Variants in NLRP13 observed in about 807,000 individuals in gnomAD.
NLRP13 encodes NLR family pyrin domain containing 13, also known as NACHT, LRR and PYD domains-containing protein 13.
NLRP13 carries 82 observed loss-of-function variants against 94.4 expected under a neutral mutation model. That is an observed-to-expected ratio of 0.87 (90% CI 0.73 to 1.04). The LOEUF (loss-of-function observed/expected upper bound fraction) is 1.04, where lower values mean the gene tolerates loss of function less well. NLRP13 is among the 50% of genes least tolerant of loss of function. NLRP13 has a pLI of 0.00. For synonymous variants in NLRP13, 553 were observed against 464.7 expected, an observed-to-expected ratio of 1.19 and a Z score of -2.45; for missense variants, 1,426 against 1,230.8, an observed-to-expected ratio of 1.16 and a Z score of -2.37.
chr19:55,898,094 T>C (rs377340577), intron 10 of NLRP13, among the ~76,000 whole-genome samples: 1 of 152,110 alleles, frequency 6.6e-6, no homozygotes, highest in Non-Finnish European at 1.5e-5. Context: ...CATGGGCAGA[T>C]TGGGAGAGAC....
chr19:55,909,839 C>T (rs979040895), intron 6 of NLRP13, among the ~76,000 whole-genome samples: 6 of 152,124 alleles, frequency 3.9e-5, no homozygotes, highest in Non-Finnish European at 8.8e-5. Context: ...GCTTGGAATG[C>T]TCTTTTTCCC....
At chr19:55,921,742 A>G (rs1986833216) in intron 4 of NLRP13, among the ~76,000 whole-genome samples, 1 of 152,178 alleles carries the variant, frequency 6.6e-6, no homozygotes, top group African/African-American at 2.4e-5. Flanking sequence ...GAGGGAGATG[A>G]GGCACAGACA....
Position 55,924,702 on chromosome 19 carries a change from G to A in NLRP13, c.389-44C>T, listed in dbSNP as rs201831733. On this transcript the variant is annotated intron_variant, in intron 2 of 10. Transcript: ENST00000342929. ...ATGAGATATGAAAATACCCCAGAGT[G>A]AAAATGGGCCAGCAATAATGGAAGC... The A allele has an allele frequency of 4.1e-5, 63 of 1,542,708 alleles. 1 individual carries two copies. The East Asian group carries it at 1.3e-3, about 32-fold the overall frequency.
chr19:55,899,016 C>T (rs1054977139), intron 9 of NLRP13, 79 bp from the exon 10 acceptor site: 30 of 1,445,952 alleles, frequency 2.1e-5, no homozygotes, highest in Middle Eastern at 3.6e-4. Context: ...GCCCATCTCA[C>T]GTCCAAGGAA....
intron 6 of NLRP13, among the ~76,000 whole-genome samples, chr19:55,909,703 C>A (rs1773469480): frequency 6.6e-6 from 1 of 152,216 alleles, no homozygotes; most frequent in South Asian, 2.1e-4. Context: ...TAGCAGCTGG[C>A]TCCAACATGT....
At chr19:55,894,575 A>G (rs566207769), downstream of NLRP13, among the ~76,000 whole-genome samples, 2 of 152,246 alleles carry the variant, frequency 1.3e-5, no homozygotes, top group African/African-American at 4.8e-5. Context: ...ACTCAGGATC[A>G]ATGGTACCGC....
chr19:55,915,957 C>A (rs1436478073), intron 4 of NLRP13, among the ~76,000 whole-genome samples: 2 of 152,210 alleles, frequency 1.3e-5, no homozygotes, highest in African/African-American at 4.8e-5. Flanking sequence ...TCAAACTACA[C>A]AACCCAATAC....
chr19:55,895,549 G>A (rs1465656819), downstream of NLRP13, among the ~76,000 whole-genome samples: 2 of 152,082 alleles, frequency 1.3e-5, no homozygotes. Context: ...TGGGCGTGGT[G>A]GTGGGTGCCT....
rs1986656834 is a variant in NLRP13, at chr19:55,915,634, AC to A, written c.524-2342del. ...AAACAAATAGATAATCACAATTCAA[AC>A]AGAGTATCAGGAGAGAATATTCGAG... is the stretch of plus-strand genomic sequence containing the variant. On this transcript the variant is annotated intron_variant, in intron 4 of 10. Coordinates refer to ENST00000342929, the MANE Select transcript of NLRP13 (RefSeq NM_176810.2). Among the ~76,000 whole-genome samples the A allele has an allele frequency of 2.6e-5, 4 of 152,202 alleles. No individual in the cohort carries two copies. The South Asian group carries it at 8.3e-4, about 32-fold the overall frequency.
At chr19:55,926,414 C>T (rs1047306197) in intron 1 of NLRP13, among the ~76,000 whole-genome samples, 2 of 152,198 alleles carry the variant, frequency 1.3e-5, no homozygotes, top group East Asian at 1.9e-4. Flanking sequence ...TAGCGAAGAG[C>T]GGGCATATGG....
At chr19:55,907,245 A>T (rs894035954) in intron 7 of NLRP13, among the ~76,000 whole-genome samples, 1 of 152,042 alleles carries the variant, frequency 6.6e-6, no homozygotes, top group African/African-American at 2.4e-5. Context: ...GGCATGAGCC[A>T]CCACACCTGG....
In NLRP13 at chr19:55,912,828, G is replaced by A. The variant is rs1986563535; in HGVS notation, c.989C>T (p.Ser330Leu). Residue 330 changes from serine (S) to leucine (L), a missense_variant, in exon 5 of 11, where the codon TCG becomes TTG. Ser to Leu is a moderately radical substitution (Grantham distance 145). Coordinates refer to ENST00000342929, the MANE Select transcript of NLRP13 (RefSeq NM_176810.2). ...ESRSESLDDG[S>L]PCTDWYQELP... ...CTCCTGGTACCAGTCTGTACATGGC[G>A]AGCCATCATCCAAGCTCTCAGAGCG... The A allele has an allele frequency of 5.6e-6, 9 of 1,613,968 alleles. No individual in the cohort carries two copies. Among genetic ancestry groups the A allele is most frequent in the African/African-American group, 1.3e-5 (1 of 74,886 alleles).
intron 9 of NLRP13, among the ~76,000 whole-genome samples, chr19:55,901,269 G>A (rs557577292): frequency 6.6e-6 from 1 of 152,346 alleles, no homozygotes; most frequent in African/African-American, 2.4e-5. Flanking sequence ...AAAGGAGAAT[G>A]AAAGTTTTTA....
At chr19:55,892,153 C>G, downstream of NLRP13, 1 of 1,230,826 alleles carries the variant, frequency 8.1e-7, no homozygotes. Context: ...AGTTTAGAAG[C>G]AGTGAAGAAG....
chr19:55,927,445 G>C lies in NLRP13; in HGVS notation c.320-2410C>G, dbSNP rs559621880. ...TATTCTCCTTTGCCTGTGAAATAAA[G>C]TCTAATTCCTTAAAAAAAAAAAAAA... On this transcript the variant is annotated intron_variant, in intron 1 of 10. Transcript: ENST00000342929. Among the ~76,000 whole-genome samples the C allele has an allele frequency of 5.6e-5, 7 of 124,770 alleles. No individual in the cohort carries two copies. The South Asian group carries it at 1.1e-3, about 20-fold the overall frequency. The allele number at this position is 124,770 out of a possible 152,430, so 81.9% of individuals were successfully genotyped here. A position where few individuals can be genotyped will look rare whatever the true frequency, so the allele number is the denominator to read the frequency against.
Position 55,924,949 on chromosome 19 carries a change from T to G in NLRP13, c.388+18A>C. On this transcript the variant is annotated intron_variant, in intron 2 of 10. Transcript: ENST00000342929. ...ATCAAGCAACCTGTCCATTATCAAC[T>G]TAAAGTAGTGTACACACCTGCTGCT... is the stretch of plus-strand genomic sequence containing the variant. The G allele has an allele frequency of 6.2e-7, 1 of 1,609,564 alleles. No individual in the cohort carries two copies. The highest frequency in any genetic ancestry group is 1.3e-5 in the African/African-American group (1 of 74,982).
intron 8 of NLRP13, among the ~76,000 whole-genome samples, chr19:55,904,617 C>T (rs1332725854): frequency 6.6e-6 from 1 of 152,118 alleles, no homozygotes; most frequent in Non-Finnish European, 1.5e-5. Flanking sequence ...TCCACATGGG[C>T]AGGAAGTAAA....
intron 8 of NLRP13, among the ~76,000 whole-genome samples, chr19:55,902,754 T>C (rs1444740012): frequency 6.6e-6 from 1 of 152,004 alleles, no homozygotes; most frequent in African/African-American, 2.4e-5. Flanking sequence ...TTGCATAATA[T>C]GTGTTAACAT....
intron 1 of NLRP13, among the ~76,000 whole-genome samples, chr19:55,927,773 C>A (rs574869380): frequency 6.6e-6 from 1 of 152,204 alleles, no homozygotes; most frequent in East Asian, 1.9e-4. Context: ...GAACAGTGAC[C>A]CCAGTTTAAG....
Sources: allele counts gnomAD v4.1 joint callset (sites outside exome capture counted in the v4.1 genomes callset), GRCh38; gene constraint gnomAD v4.1.1; transcripts MANE v1.5; gene names NCBI Gene and HGNC (gene_info 2026-07-23, HGNC 2026-07-21).